Variants in MAPK14 observed in about 807,000 individuals in gnomAD.
The protein encoded by MAPK14 is mitogen-activated protein kinase 14.
A neutral mutation model predicts 49.6 loss-of-function variants in MAPK14; 16 were observed. That is an observed-to-expected ratio of 0.32 (90% confidence interval 0.22 to 0.49). The LOEUF is 0.49. MAPK14 is among the 20% of genes least tolerant of loss of function. The pLI, the probability that MAPK14 is intolerant of heterozygous loss-of-function variation, is 0.99. For synonymous variants in MAPK14, 142 were observed against 158.0 expected (o/e 0.90, Z 0.76); for missense variants, 200 against 441.2 (o/e 0.45, Z 4.90).
intron 9 of MAPK14, among the ~76,000 whole-genome samples, chr6:36,100,756 A>T (rs1187848398): frequency 6.6e-6 from 1 of 152,234 alleles, no homozygotes; most frequent in Non-Finnish European, 1.5e-5. Flanking sequence ...ACTTTGGTAC[A>T]GTTAGGTACC....
chr6:36,108,583 C>A lies in MAPK14; in HGVS notation c.*136C>A, dbSNP rs199705875. 13 of 607,642 alleles carry A rather than the reference C, an allele frequency of 2.1e-5. No homozygotes were observed. Among genetic ancestry groups the A allele is most frequent in the East Asian group, 3.1e-5 (1 of 32,044 alleles). 37.6% of individuals were successfully genotyped at this position (607,642 alleles called of 1,614,324 possible). A position where few individuals can be genotyped will look rare whatever the true frequency, so the allele number is the denominator to read the frequency against. On this transcript the variant is annotated 3_prime_UTR_variant, in exon 12 of 12. Coordinates refer to ENST00000229794, the MANE Select transcript of MAPK14 (RefSeq NM_139012.3). The stretch of plus-strand genomic sequence containing the variant: ...GTGGAAGGGGGTGTGCGTGCGTGTG[C>A]GTGCGTGTTAGTGTGTGTGCATGTG...
intron 1 of MAPK14, among the ~76,000 whole-genome samples, chr6:36,046,482 A>G (rs1250108627): frequency 6.6e-6 from 1 of 152,196 alleles, no homozygotes; most frequent in Non-Finnish European, 1.5e-5. Flanking sequence ...CCTACTATAA[A>G]AGTTATTACA....
intron 3 of MAPK14, among the ~76,000 whole-genome samples, chr6:36,063,572 G>T (rs777750008): frequency 6.6e-6 from 1 of 152,188 alleles, no homozygotes; most frequent in Non-Finnish European, 1.5e-5. Flanking sequence ...CCAGGTGACA[G>T]AGTGATATAT....
At chr6:36,060,087 C>T (rs977973248) in intron 3 of MAPK14, among the ~76,000 whole-genome samples, 1 of 152,112 alleles carries the variant, frequency 6.6e-6, no homozygotes, top group Non-Finnish European at 1.5e-5. Flanking sequence ...TAGTGGGGGG[C>T]TAGGGAAAAT....
chr6:36,110,745 T>A lies in MAPK14; in HGVS notation c.*2298T>A, dbSNP rs1311999887. 1 of 152,258 alleles carries A rather than the reference T, an allele frequency of 6.6e-6. No homozygotes were observed. Among genetic ancestry groups the A allele is most frequent in the Non-Finnish European group, 1.5e-5 (1 of 68,040 alleles). The allele number at this position is 152,258 out of a possible 1,614,324, so 9.4% of individuals were successfully genotyped here. A position where few individuals can be genotyped will look rare whatever the true frequency, so the allele number is the denominator to read the frequency against. ...CAATACCACTGGTTAAAATAAAGCC[T>A]ATTTTTCAAATTTAGTGAGTTTCTC... is the stretch of plus-strand genomic sequence containing the variant. On this transcript the variant is annotated 3_prime_UTR_variant, in exon 12 of 12. Coordinates refer to ENST00000229794, the MANE Select transcript of MAPK14 (RefSeq NM_139012.3).
At chr6:36,031,826 A>G (rs1401359833) in intron 1 of MAPK14, among the ~76,000 whole-genome samples, 1 of 152,228 alleles carries the variant, frequency 6.6e-6, no homozygotes, top group Non-Finnish European at 1.5e-5. Flanking sequence ...CAGGTTGGTG[A>G]TACTACTGTT....
chr6:36,057,835 A>G (rs1763645764), intron 2 of MAPK14, among the ~76,000 whole-genome samples: 1 of 152,208 alleles, frequency 6.6e-6, no homozygotes, highest in Admixed American at 6.5e-5. Flanking sequence ...CTTTGTGTTT[A>G]AGTTGGCAGT....
chr6:36,097,171 G>A (rs1390778568), intron 9 of MAPK14: 3 of 152,242 alleles, frequency 2.0e-5, no homozygotes, highest in African/African-American at 7.2e-5. Context: ...CCAAAGCCCA[G>A]TGTATTTCTG....
At chr6:36,067,279 A>G (rs1764097566) in intron 3 of MAPK14, among the ~76,000 whole-genome samples, 1 of 152,098 alleles carries the variant, frequency 6.6e-6, no homozygotes, top group African/African-American at 2.4e-5. Flanking sequence ...ATCTCTCTCT[A>G]ATTCACTTCT....
At chr6:36,120,940 C>G in the MAPK14 span, among the ~76,000 whole-genome samples, 3 of 152,160 alleles carry the variant, frequency 2.0e-5, no homozygotes, top group East Asian at 1.9e-4. Context: ...CAAGAACTTA[C>G]AATTTAGGTT....
intron 1 of MAPK14, among the ~76,000 whole-genome samples, chr6:36,037,596 A>AC (rs1266472795): frequency 6.6e-6 from 1 of 152,028 alleles, no homozygotes; most frequent in Non-Finnish European, 1.5e-5. Flanking sequence ...TGAGGACAGG[A>AC]CTCATTATAC....
intron 8 of MAPK14, among the ~76,000 whole-genome samples, chr6:36,090,527 CT>C (rs576947380): frequency 3.0e-3 from 407 of 136,206 alleles, no homozygotes; most frequent in African/African-American, 4.4e-3. Context: ...CCCTCTCTCT[CT>C]TTTTTTTTTT....
At chr6:36,098,749 C>T (rs1765533680) in intron 9 of MAPK14, among the ~76,000 whole-genome samples, 1 of 152,082 alleles carries the variant, frequency 6.6e-6, no homozygotes, top group African/African-American at 2.4e-5. Context: ...TTTTAAGACC[C>T]AACTGGTATT....
chr6:36,039,707 C>T (rs866341639), intron 1 of MAPK14, among the ~76,000 whole-genome samples: 7 of 152,042 alleles, frequency 4.6e-5, no homozygotes, highest in African/African-American at 1.4e-4. Context: ...TCCCTCCTTT[C>T]GAAAGTATCA....
intron 3 of MAPK14, among the ~76,000 whole-genome samples, chr6:36,060,375 T>C (rs1226608036): frequency 6.6e-6 from 1 of 152,150 alleles, no homozygotes; most frequent in Admixed American, 6.5e-5. Flanking sequence ...TTTTCTAGTA[T>C]CTGAGTTGAC....
chr6:36,078,606 A>G (rs1581800999), intron 8 of MAPK14, among the ~76,000 whole-genome samples: 1 of 152,338 alleles, frequency 6.6e-6, no homozygotes, highest in East Asian at 1.9e-4. Flanking sequence ...GCTTTAGATA[A>G]ACAACCTAGT....
intron 9 of MAPK14, among the ~76,000 whole-genome samples, chr6:36,101,527 C>T (rs955531424): frequency 1.3e-5 from 2 of 152,006 alleles, no homozygotes; most frequent in African/African-American, 2.4e-5. Context: ...ACTCTGTCAC[C>T]CCAGCTGGAG....
intron 1 of MAPK14, among the ~76,000 whole-genome samples, chr6:36,047,270 T>G (rs1197831755): frequency 6.6e-6 from 1 of 152,056 alleles, no homozygotes; most frequent in Non-Finnish European, 1.5e-5. Flanking sequence ...AACCAATACT[T>G]GAAGGATAAG....
At chr6:36,062,947 C>A (rs528582633) in intron 3 of MAPK14, among the ~76,000 whole-genome samples, 1 of 152,092 alleles carries the variant, frequency 6.6e-6, no homozygotes, top group African/African-American at 2.4e-5. Context: ...TGTGAGCCAC[C>A]GCGCCTGGCC....
Sources: gnomAD v4.1 joint callset for allele counts (sites outside exome capture counted in the v4.1 genomes callset) on GRCh38, gnomAD v4.1.1 for gene constraint, MANE v1.5 for transcripts, NCBI Gene and HGNC (gene_info 2026-07-23, HGNC 2026-07-21) for gene names.